The following RAB6C variants were observed in gnomAD, a reference collection of about 807,000 sequenced individuals.
The protein encoded by RAB6C is RAB6C, member RAS oncogene family.
A neutral mutation model predicts 17.2 loss-of-function variants in RAB6C; 8 were observed. The observed-to-expected ratio is 0.46, with a 90% CI of 0.27 to 0.84. The LOEUF (loss-of-function observed/expected upper bound fraction) is 0.84. Ranked by LOEUF, RAB6C falls within the 40% of genes least tolerant of loss-of-function variation. The pLI is 0.13. For missense variants in RAB6C, 151 were observed against 306.5 expected, an observed-to-expected ratio of 0.49 and a Z score of 3.79; for synonymous variants, 78 against 118.9, an observed-to-expected ratio of 0.66 and a Z score of 2.24.
At position 129,980,965 on chromosome 2, in the gene RAB6C, G is replaced by C. The variant is rs1681753390; in HGVS notation, c.*85G>C. The stretch of plus-strand genomic sequence containing the variant: ...AGCCAAATTATTTCAGCATATTCCG[G>C]TGATAACTTTAAAAATTAGATACAT... On this transcript the variant is annotated 3_prime_UTR_variant, in exon 1 of 1. Coordinates refer to ENST00000410061, the MANE Select transcript of RAB6C (RefSeq NM_032144.3). 8 of 1,508,156 alleles carry C rather than the reference G, an allele frequency of 5.3e-6. No homozygotes were observed. Among genetic ancestry groups the C allele is most frequent in the Non-Finnish European group, 7.1e-6 (8 of 1,125,834 alleles). The allele number at this position is 1,508,156 out of a possible 1,614,324, so 93.4% of individuals were successfully genotyped here. A position where few individuals can be genotyped will look rare whatever the true frequency, so the allele number is the denominator to read the frequency against.
rs557772118 is a variant in RAB6C at position 129,981,835 on chromosome 2, T to C, written c.*955T>C. 1.2e-5 allele frequency: 2 copies of C among 166,458 alleles called. No individual in the cohort carries two copies. The highest frequency in any genetic ancestry group is 2.4e-5 in the African/African-American group (1 of 41,118). The allele number at this position is 166,458 out of a possible 1,614,324, so 10.3% of individuals were successfully genotyped here. ...ACCAGCAAAAGAACCCTCAGCAGAA[T>C]AGCAAAAACTTTGCTCAGGACATTT... On this transcript the variant is annotated 3_prime_UTR_variant, in exon 1 of 1. Transcript: ENST00000410061.
Position 129,979,754 on chromosome 2 carries a change from C to T in RAB6C, c.-362C>T. The T allele has an allele frequency of 2.7e-6, 1 of 372,542 alleles. No homozygotes were observed. The allele number at this position is 372,542 out of a possible 1,614,324, so 23.1% of individuals were successfully genotyped here. A position where few individuals can be genotyped will look rare whatever the true frequency, so the allele number is the denominator to read the frequency against. On this transcript the variant is annotated 5_prime_UTR_variant, in exon 1 of 1. Coordinates refer to ENST00000410061, the MANE Select transcript of RAB6C (RefSeq NM_032144.3). ...CCGGATACATCTGCGGTTTGGGCTC[C>T]GCCACCCTCCGTCTCTCTCCCGCAG... is the stretch of plus-strand genomic sequence containing the variant.
Position 129,980,562 on chromosome 2 carries a change from T to A in RAB6C, c.447T>A (p.Asn149Lys). The change falls in exon 1 of 1, where the codon AAT (asparagine) becomes AAA (lysine). Residue 149 changes from asparagine (N) to lysine (K), a missense_variant. By Grantham distance (94) the Asn-to-Lys change is moderately conservative. Coordinates refer to ENST00000410061, the MANE Select transcript of RAB6C (RefSeq NM_032144.3). ...EEGERKAKGL[N>K]VTFIETRAKA... ...GAGAGAGGAAAGCCAAAGGGCTGAA[T>A]GTTACGTTTATTGAAACTAGGGCAA... 6.2e-7 allele frequency: 1 copy of A among 1,614,046 alleles called. No homozygotes were observed. The highest frequency in any genetic ancestry group is 8.5e-7 in the Non-Finnish European group (1 of 1,180,008).
chr2:129,980,498 C>G lies in RAB6C; in HGVS notation c.383C>G (p.Thr128Arg), dbSNP rs754632415. The change falls in exon 1 of 1, where the codon ACA (threonine) becomes AGA (arginine). Residue 128 changes from threonine to arginine, a missense_variant. Coordinates refer to ENST00000410061, the MANE Select transcript of RAB6C (RefSeq NM_032144.3). Reference protein sequence around the residue: ...DVIITLVGNRTDLADKRQVSV... With the variant: ...DVIITLVGNRRDLADKRQVSV... ...ATCATCACGCTAGTAGGAAATAGAACAGATCTTGCTGACAAGAGGCAAGTG... is the reference window on the plus strand; with the variant it reads ...ATCATCACGCTAGTAGGAAATAGAAGAGATCTTGCTGACAAGAGGCAAGTG... 1 of 1,614,170 alleles carries G rather than the reference C, an allele frequency of 6.2e-7. No homozygotes were observed. The highest frequency in any genetic ancestry group is 1.1e-5 in the South Asian group (1 of 91,072).
chr2:129,979,701 G>A lies in RAB6C; in HGVS notation c.-415G>A. The A allele has an allele frequency of 7.8e-6, 2 of 255,984 alleles. No individual in the cohort carries two copies. Among genetic ancestry groups the A allele is most frequent in the Non-Finnish European group, 1.6e-5 (2 of 128,486 alleles). 15.9% of individuals were successfully genotyped at this position (255,984 alleles called of 1,614,324 possible). ...TTGGGCTGCGGCGGCGGCGGCTGGG[G>A]AAGCCGAAGCGCCGCGCGTGAGAGA... On this transcript the variant is annotated 5_prime_UTR_variant, in exon 1 of 1. Coordinates refer to ENST00000410061, the MANE Select transcript of RAB6C (RefSeq NM_032144.3).
rs1681776499 is a variant in RAB6C at position 129,982,022 on chromosome 2, TTA to T, written c.*1143_*1144del. On this transcript the variant is annotated 3_prime_UTR_variant, in exon 1 of 1. Transcript: ENST00000410061. ...TTTATGCCTTATTTTTTAGCATTTTTTAAGGTTGGGTCTTTCAGGCTGGTTTT... is the reference window on the plus strand; with the variant it reads ...TTTATGCCTTATTTTTTAGCATTTTTAGGTTGGGTCTTTCAGGCTGGTTTT... The T allele has an allele frequency of 1.2e-5, 2 of 167,110 alleles. No homozygotes were observed. The highest frequency in any genetic ancestry group is 4.8e-5 in the African/African-American group (2 of 41,450). The allele number at this position is 167,110 out of a possible 1,614,324, so 10.4% of individuals were successfully genotyped here.
Position 129,980,458 on chromosome 2 carries a change from A to G in RAB6C, c.343A>G (p.Arg115Gly), listed in dbSNP as rs71428572. Residue 115 changes from arginine (R) to glycine (G), a missense_variant, in exon 1 of 1, where the codon AGA becomes GGA. Around this residue, in one of 2 missense-constraint regions of RAB6C, gnomAD observed 136 missense variants for 200.0 expected, o/e 0.68. Coordinates refer to ENST00000410061, the MANE Select transcript of RAB6C (RefSeq NM_032144.3). ...GTGGATTGATGATGTCAGAACAGAAAGAGGAAGTGATGTTATCATCACGCT... is the reference window on the plus strand; with the variant it reads ...GTGGATTGATGATGTCAGAACAGAAGGAGGAAGTGATGTTATCATCACGCT... ...TKWIDDVRTE[R>G]GSDVIITLVG... The G allele has an allele frequency of 3.2e-3, 5,079 of 1,610,294 alleles. 162 individuals are homozygous for G. The African/African-American group carries it at 0.053, about 17-fold the overall frequency.
Position 129,980,649 on chromosome 2 carries a change from A to G in RAB6C, c.534A>G (p.Glu178=), listed in dbSNP as rs1201530307. Reference sequence around the variant, plus strand: ...TAGCAGCAGCTTTGCCGGGAATGGAAAGCACACAGGACGGAAGCAGAGAAG... The same window carrying G: ...TAGCAGCAGCTTTGCCGGGAATGGAGAGCACACAGGACGGAAGCAGAGAAG... The part of the protein sequence containing the change: ...RRVAAALPGM[E]STQDGSREDM... Residue 178 remains glutamate (E), a synonymous_variant, in exon 1 of 1, where the codon GAA becomes GAG. Coordinates refer to ENST00000410061, the MANE Select transcript of RAB6C (RefSeq NM_032144.3). The G allele has an allele frequency of 6.2e-7, 1 of 1,612,402 alleles. No individual in the cohort carries two copies. The highest frequency in any genetic ancestry group is 1.1e-5 in the South Asian group (1 of 90,940).
chr2:129,980,786 C>T lies in RAB6C; in HGVS notation c.671C>T (p.Ser224Phe), dbSNP rs1344516766. The change falls in exon 1 of 1, where the codon TCT becomes TTT. Residue 224 changes from serine (S) to phenylalanine (F), a missense_variant. By Grantham distance (155) the Ser-to-Phe change is radical. This residue lies in a region of RAB6C where 136 missense variants were observed against 200.0 expected (regional missense o/e 0.68). Transcript: ENST00000410061. Reference sequence around the variant, plus strand: ...ACCCTTCCTCAGAAGCCCCCTTACTCTTTCATTGACTGCAGTGTGAATATT... The same window carrying T: ...ACCCTTCCTCAGAAGCCCCCTTACTTTTTCATTGACTGCAGTGTGAATATT... ...SSTLPQKPPY[S>F]FIDCSVNIGL... The T allele has an allele frequency of 6.2e-7, 1 of 1,600,282 alleles. No individual in the cohort carries two copies. Among genetic ancestry groups the T allele is most frequent in the Non-Finnish European group, 8.5e-7 (1 of 1,172,250 alleles).
Position 129,980,952 on chromosome 2 carries a change from T to C in RAB6C, c.*72T>C. On this transcript the variant is annotated 3_prime_UTR_variant, in exon 1 of 1. Transcript: ENST00000410061. ...ATATTTTACAAAAAGCCAAATTATT[T>C]CAGCATATTCCGGTGATAACTTTAA... The C allele has an allele frequency of 6.5e-7, 1 of 1,530,980 alleles. No homozygotes were observed. The highest frequency in any genetic ancestry group is 1.3e-5 in the South Asian group (1 of 76,362). The allele number at this position is 1,530,980 out of a possible 1,614,324, so 94.8% of individuals were successfully genotyped here. A position where few individuals can be genotyped will look rare whatever the true frequency, so the allele number is the denominator to read the frequency against.
Position 129,981,018 on chromosome 2 carries a change from G to A in RAB6C, c.*138G>A, listed in dbSNP as rs1019445991. 140 of 1,165,580 alleles carry A rather than the reference G, an allele frequency of 1.2e-4. 1 individual carries two copies. The highest frequency in any genetic ancestry group is 1.6e-4 in the Non-Finnish European group (134 of 839,770). The allele number at this position is 1,165,580 out of a possible 1,614,324, so 72.2% of individuals were successfully genotyped here. ...TCTTAACATTTTTTTCTTTTTTAATGTTATGATAATGTACTTCAAAATGAT... is the reference window on the plus strand; with the variant it reads ...TCTTAACATTTTTTTCTTTTTTAATATTATGATAATGTACTTCAAAATGAT... On this transcript the variant is annotated 3_prime_UTR_variant, in exon 1 of 1. Transcript: ENST00000410061.
At position 129,982,417 on chromosome 2, in the gene RAB6C, C is replaced by T. The variant is rs908328010; in HGVS notation, c.*1537C>T. 6.0e-6 allele frequency: 1 copy of T among 167,072 alleles called. No homozygotes were observed. Among genetic ancestry groups the T allele is most frequent in the Non-Finnish European group, 1.5e-5 (1 of 68,112 alleles). 10.3% of individuals were successfully genotyped at this position (167,072 alleles called of 1,614,324 possible). ...TTAACACAGTATAAAGATGAAAAGA[C>T]AACAAAAGTATCTTCATACTTCCTC... is the stretch of plus-strand genomic sequence containing the variant. On this transcript the variant is annotated 3_prime_UTR_variant, in exon 1 of 1. Transcript: ENST00000410061.
rs1350493496 is a variant in RAB6C, at chr2:129,982,650, T to C, written c.*1770T>C. On this transcript the variant is annotated 3_prime_UTR_variant, in exon 1 of 1. Transcript: ENST00000410061. The stretch of plus-strand genomic sequence containing the variant: ...ATGGGATGGAGTTATAAAGTGCTTT[T>C]ATAATACAATATAATTGCTAAAGGC... 1 of 167,138 alleles carries C rather than the reference T, an allele frequency of 6.0e-6. No homozygotes were observed. Among genetic ancestry groups the C allele is most frequent in the Admixed American group, 6.5e-5 (1 of 15,294 alleles). 10.4% of individuals were successfully genotyped at this position (167,138 alleles called of 1,614,324 possible).
At position 129,982,026 on chromosome 2, in the gene RAB6C, G is replaced by GCATT. The variant is rs1681776538; in HGVS notation, c.*1146_*1147insCATT. ...TGCCTTATTTTTTAGCATTTTTTAAGGTTGGGTCTTTCAGGCTGGTTTTGG... is the reference window on the plus strand; with the variant it reads ...TGCCTTATTTTTTAGCATTTTTTAAGCATTGTTGGGTCTTTCAGGCTGGTTTTGG... On this transcript the variant is annotated 3_prime_UTR_variant, in exon 1 of 1. Coordinates refer to ENST00000410061, the MANE Select transcript of RAB6C (RefSeq NM_032144.3). 1.2e-5 allele frequency: 2 copies of GCATT among 166,524 alleles called. No individual in the cohort carries two copies. Among genetic ancestry groups the GCATT allele is most frequent in the African/African-American group, 4.9e-5 (2 of 41,184 alleles). 10.3% of individuals were successfully genotyped at this position (166,524 alleles called of 1,614,324 possible).
At position 129,980,961 on chromosome 2, in the gene RAB6C, T is replaced by G. The variant is rs894164273; in HGVS notation, c.*81T>G. Reference sequence around the variant, plus strand: ...AAAAAGCCAAATTATTTCAGCATATTCCGGTGATAACTTTAAAAATTAGAT... The same window carrying G: ...AAAAAGCCAAATTATTTCAGCATATGCCGGTGATAACTTTAAAAATTAGAT... On this transcript the variant is annotated 3_prime_UTR_variant, in exon 1 of 1. Transcript: ENST00000410061. The G allele has an allele frequency of 2.0e-6, 3 of 1,518,636 alleles. No individual in the cohort carries two copies. The African/African-American group carries it at 4.2e-5, about 21-fold the overall frequency. The allele number at this position is 1,518,636 out of a possible 1,614,324, so 94.1% of individuals were successfully genotyped here. A position where few individuals can be genotyped will look rare whatever the true frequency, so the allele number is the denominator to read the frequency against.
chr2:129,980,981 T>G lies in RAB6C; in HGVS notation c.*101T>G. The G allele has an allele frequency of 6.8e-7, 1 of 1,467,238 alleles. No individual in the cohort carries two copies. The highest frequency in any genetic ancestry group is 9.2e-7 in the Non-Finnish European group (1 of 1,092,800). The allele number at this position is 1,467,238 out of a possible 1,614,324, so 90.9% of individuals were successfully genotyped here. Reference sequence around the variant, plus strand: ...CATATTCCGGTGATAACTTTAAAAATTAGATACATTTTCTTAACATTTTTT... The same window carrying G: ...CATATTCCGGTGATAACTTTAAAAAGTAGATACATTTTCTTAACATTTTTT... On this transcript the variant is annotated 3_prime_UTR_variant, in exon 1 of 1. Coordinates refer to ENST00000410061, the MANE Select transcript of RAB6C (RefSeq NM_032144.3).
At position 129,980,885 on chromosome 2, in the gene RAB6C, T is replaced by C. The variant is rs771589595; in HGVS notation, c.*5T>C. 13 of 1,601,734 alleles carry C rather than the reference T, an allele frequency of 8.1e-6. No homozygotes were observed. The Admixed American group carries it at 2.2e-4, about 27-fold the overall frequency. ...CTGCCTGTCTCGTGGAGGTGATCTA[T>C]TAGCTTCACAAGCACAAAAAAAGTC... is the stretch of plus-strand genomic sequence containing the variant. On this transcript the variant is annotated 3_prime_UTR_variant, in exon 1 of 1. Coordinates refer to ENST00000410061, the MANE Select transcript of RAB6C (RefSeq NM_032144.3).
Position 129,979,892 on chromosome 2 carries a change from C to T in RAB6C, c.-224C>T. Reference sequence around the variant, plus strand: ...TCCCTTCCCAGCCGCGGGCCTCGCTCCGTGCTCGGCTACTCTGCCGGGAGG... The same window carrying T: ...TCCCTTCCCAGCCGCGGGCCTCGCTTCGTGCTCGGCTACTCTGCCGGGAGG... On this transcript the variant is annotated 5_prime_UTR_variant, in exon 1 of 1. Coordinates refer to ENST00000410061, the MANE Select transcript of RAB6C (RefSeq NM_032144.3). The T allele has an allele frequency of 1.3e-6, 1 of 779,846 alleles. No individual in the cohort carries two copies. 48.3% of individuals were successfully genotyped at this position (779,846 alleles called of 1,614,324 possible).
rs1357186352 is a variant in RAB6C at position 129,980,188 on chromosome 2, G to C, written c.73G>C (p.Ala25Pro). The C allele has an allele frequency of 2.5e-6, 4 of 1,606,324 alleles. No individual in the cohort carries two copies. In the East Asian group the frequency reaches 8.9e-5, roughly 36 times the overall value. ...GGTGTTCCTGGGGGAGCAAAGCGTT[G>C]CAAAGACATCTTTGATCACCAGATT... is the stretch of plus-strand genomic sequence containing the variant. ...KLVFLGEQSV[A>P]KTSLITRFRY... The change falls in exon 1 of 1, where the codon GCA (alanine) becomes CCA (proline). Residue 25 changes from alanine (A) to proline (P), a missense_variant. Physicochemically the swap from Ala to Pro is conservative, Grantham distance 27 (BLOSUM62 -1). Transcript: ENST00000410061.
Sources: gnomAD v4.1 joint callset for allele counts on GRCh38, gnomAD v4.1.1 for gene constraint, gnomAD v4.1.1 regional missense constraint, MANE v1.5 for transcripts, NCBI Gene and HGNC (gene_info 2026-07-23, HGNC 2026-07-21) for gene names.